Variants in DMD observed in about 807,000 individuals in gnomAD.
The protein encoded by DMD is mutant dystrophin.
A neutral mutation model predicts 330.1 loss-of-function variants in DMD; 63 were observed. That is an observed-to-expected ratio of 0.19 (90% CI 0.16 to 0.24). DMD has a LOEUF of 0.24. Among genes scored for constraint, DMD ranks in the 10% least tolerant of loss-of-function variants. The probability of loss-of-function intolerance (pLI) is 1.00; values close to 1 mark genes in which losing one functional copy is unlikely to be tolerated. For synonymous variants in DMD, 1,223 were observed against 959.8 expected (o/e 1.27, Z -5.07); for missense variants, 3,344 against 2,684.1 (o/e 1.25, Z -5.43).
intron 44 of DMD, among the ~76,000 whole-genome samples, chrX:32,199,776 G>A (rs940407748): frequency 1.1e-5 from 1 of 92,866 alleles, no homozygotes; most frequent in African/African-American, 4.2e-5. Flanking sequence ...ACCACGCAAG[G>A]CTTTTGTGTG....
intron 12 of DMD, among the ~76,000 whole-genome samples, chrX:32,608,346 G>A (rs1286606111): frequency 3.6e-5 from 4 of 110,281 alleles, no homozygotes; most frequent in East Asian, 5.7e-4. Flanking sequence ...ATACTACTAC[G>A]TAGACTATAA....
intron 9 of DMD, among the ~76,000 whole-genome samples, chrX:32,655,232 G>T (rs2060476341): frequency 9.0e-6 from 1 of 111,484 alleles, no homozygotes; most frequent in Admixed American, 9.5e-5. Flanking sequence ...GTTATGTTAG[G>T]GTGTCAATTT....
chrX:32,024,643 T>C (rs1189318966), intron 44 of DMD, among the ~76,000 whole-genome samples: 1 of 111,362 alleles, frequency 9.0e-6, no homozygotes, highest in Non-Finnish European at 1.9e-5. Flanking sequence ...GCAAGTAACT[T>C]AACCTAGTTA....
intron 43 of DMD, among the ~76,000 whole-genome samples, chrX:32,250,293 C>T (rs1248721918): frequency 1.8e-5 from 2 of 111,224 alleles, no homozygotes; most frequent in Non-Finnish European, 3.8e-5. Flanking sequence ...ACAATCTATT[C>T]TCTGTCTTCA....
At chrX:32,711,916 T>A (rs184461318) in intron 7 of DMD, among the ~76,000 whole-genome samples, 1 of 112,292 alleles carries the variant, frequency 8.9e-6, no homozygotes, top group Admixed American at 9.5e-5. Flanking sequence ...CTCACTGGTA[T>A]TATGAATTTG....
intron 2 of DMD, among the ~76,000 whole-genome samples, chrX:33,008,822 G>GTGTATA (rs1400938320): frequency 2.4e-3 from 92 of 38,707 alleles, no homozygotes; most frequent in Non-Finnish European, 3.6e-3. Context: ...ACACATAAAT[G>GTGTATA]TATACGTATA....
chrX:32,643,048 G>A (rs1187557609), intron 11 of DMD, among the ~76,000 whole-genome samples: 1 of 111,063 alleles, frequency 9.0e-6, no homozygotes, highest in Non-Finnish European at 1.9e-5. Flanking sequence ...GTAAACACTG[G>A]GGAGTGGGCA....
At chrX:31,261,485 C>T (rs2050509888) in intron 62 of DMD, 1 of 156,007 alleles carries the variant, frequency 6.4e-6, no homozygotes, top group Admixed American at 7.4e-5. Context: ...GACATTTTTC[C>T]ATTACTCTTT....
intron 44 of DMD, among the ~76,000 whole-genome samples, chrX:32,161,133 T>C (rs1330745230): frequency 8.9e-6 from 1 of 111,828 alleles, no homozygotes; most frequent in Non-Finnish European, 1.9e-5. Flanking sequence ...ACTTCTATTT[T>C]AGCGATTCTG....
chrX:31,307,385 C>T (rs1409892518), intron 62 of DMD, among the ~76,000 whole-genome samples: 1 of 111,756 alleles, frequency 8.9e-6, no homozygotes, highest in East Asian at 2.8e-4. Flanking sequence ...TTAAACAATA[C>T]ATTCAAGGAC....
At chrX:32,863,748 G>C (rs916730127) in intron 2 of DMD, among the ~76,000 whole-genome samples, 2 of 111,064 alleles carry the variant, frequency 1.8e-5, no homozygotes, top group Admixed American at 9.6e-5. Flanking sequence ...AATGTAAAAC[G>C]TATTTATTAC....
chrX:32,428,251 ACCAT>A (rs1415020462), intron 29 of DMD, among the ~76,000 whole-genome samples: 2 of 111,990 alleles, frequency 1.8e-5, no homozygotes, highest in Non-Finnish European at 3.8e-5. Flanking sequence ...ATGAATTTTA[ACCAT>A]CCATTTTGAA....
intron 52 of DMD, among the ~76,000 whole-genome samples, chrX:31,680,260 T>A (rs1271594884): frequency 8.9e-6 from 1 of 111,960 alleles, no homozygotes; most frequent in Non-Finnish European, 1.9e-5. Context: ...ATTTTTCCAC[T>A]CTTCTACTGA....
intron 9 of DMD, among the ~76,000 whole-genome samples, chrX:32,664,713 G>A (rs1307888425): frequency 2.7e-5 from 3 of 111,772 alleles, no homozygotes; most frequent in Non-Finnish European, 5.6e-5. Flanking sequence ...TTTTACATAG[G>A]GTAAATTTGA....
intron 60 of DMD, among the ~76,000 whole-genome samples, chrX:31,422,006 T>C (rs1569540508): frequency 3.2e-4 from 26 of 80,575 alleles, no homozygotes; most frequent in African/African-American, 1.5e-3. Flanking sequence ...CACACACATA[T>C]ATATATATAT....
At chrX:32,689,301 G>T (rs1324261541) in intron 9 of DMD, among the ~76,000 whole-genome samples, 1 of 110,163 alleles carries the variant, frequency 9.1e-6, no homozygotes, top group African/African-American at 3.3e-5. Flanking sequence ...TTTACACCAA[G>T]AAACTGTAAT....
intron 60 of DMD, among the ~76,000 whole-genome samples, chrX:31,400,874 G>C (rs2061159206): frequency 8.9e-6 from 1 of 111,842 alleles, no homozygotes; most frequent in African/African-American, 3.2e-5. Flanking sequence ...AATTGACAAC[G>C]AGTATTTTAC....
intron 20 of DMD, among the ~76,000 whole-genome samples, chrX:32,486,638 G>A (rs946365916): frequency 9.2e-6 from 1 of 108,479 alleles, no homozygotes. Context: ...GCATGGTACT[G>A]GTACCAAAAC....
intron 13 of DMD, among the ~76,000 whole-genome samples, chrX:32,594,435 G>A (rs865840318): frequency 9.0e-6 from 1 of 111,165 alleles, no homozygotes. Context: ...ATAAGTTAAG[G>A]ATAGCCAGAC....
Sources: allele counts gnomAD v4.1 joint callset (sites outside exome capture counted in the v4.1 genomes callset), GRCh38; gene constraint gnomAD v4.1.1; transcripts MANE v1.5; gene names NCBI Gene and HGNC (gene_info 2026-07-23, HGNC 2026-07-21).